SNTG1: variants seen among roughly 807,000 people sequenced by gnomAD.
SNTG1 encodes syntrophin gamma 1, also known as gamma-1-syntrophin.
In SNTG1, 39 loss-of-function variants were observed where a neutral mutation model predicts 74.7. The observed-to-expected ratio is 0.52, with a 90% CI of 0.40 to 0.68. The LOEUF (loss-of-function observed/expected upper bound fraction) is 0.68. Ranked by LOEUF, SNTG1 falls within the 30% of genes least tolerant of loss-of-function variation. SNTG1 has a pLI of 0.00. For synonymous variants in SNTG1, 254 were observed against 217.1 expected (o/e 1.17, Z -1.49); for missense variants, 685 against 609.5 (o/e 1.12, Z -1.30).
intron 9 of SNTG1, among the ~76,000 whole-genome samples, chr8:50,509,236 TGC>T: frequency 6.6e-6 from 1 of 152,298 alleles, no homozygotes; most frequent in African/African-American, 2.4e-5. Flanking sequence ...GTTGTAGATA[TGC>T]AGCATTATTT....
chr8:50,243,377 T>A (rs1316398715), intron 2 of SNTG1, among the ~76,000 whole-genome samples: 1 of 152,152 alleles, frequency 6.6e-6, no homozygotes, highest in East Asian at 1.9e-4. Context: ...ATGGAGTAAC[T>A]TTTCCCTATT....
chr8:50,720,201 A>G (rs2095484483), intron 17 of SNTG1, among the ~76,000 whole-genome samples: 1 of 152,136 alleles, frequency 6.6e-6, no homozygotes. Context: ...TTGTATTCCC[A>G]TCTCAACTAT....
chr8:50,747,965 T>C (rs2095558938), intron 17 of SNTG1: 1 of 151,918 alleles, frequency 6.6e-6, no homozygotes. Flanking sequence ...ACACAATTTT[T>C]TTTTAAATGT....
chr8:50,275,528 A>G (rs1487580618), intron 2 of SNTG1, among the ~76,000 whole-genome samples: 1 of 152,196 alleles, frequency 6.6e-6, no homozygotes, highest in African/African-American at 2.4e-5. Context: ...GCTTCAAATA[A>G]CATTATAACA....
At chr8:50,752,186 CG>C (rs985079599) in intron 18 of SNTG1, 75 bp downstream of exon 18, 3 of 742,604 alleles carry the variant, frequency 4.0e-6, no homozygotes, top group Non-Finnish European at 6.1e-6. Flanking sequence ...GGGAAACTTT[CG>C]GGGAATCACA....
intron 16 of SNTG1, among the ~76,000 whole-genome samples, chr8:50,705,248 CCA>C: frequency 6.6e-6 from 1 of 152,200 alleles, no homozygotes; most frequent in Non-Finnish European, 1.5e-5. Context: ...CTAATGCTTG[CCA>C]ATACTCCTTC....
chr8:50,155,771 T>C (rs2082234296), intron 1 of SNTG1, among the ~76,000 whole-genome samples: 1 of 151,978 alleles, frequency 6.6e-6, no homozygotes, highest in Admixed American at 6.6e-5. Flanking sequence ...AAAGATTTAA[T>C]GTAATTCAAG....
intron 15 of SNTG1, among the ~76,000 whole-genome samples, chr8:50,676,529 T>G (rs1202944886): frequency 6.6e-6 from 1 of 152,016 alleles, no homozygotes; most frequent in Non-Finnish European, 1.5e-5. Context: ...ACAGTTCCTC[T>G]AACCTTTTAT....
At chr8:50,282,989 T>C (rs2088562636) in intron 2 of SNTG1, among the ~76,000 whole-genome samples, 1 of 152,162 alleles carries the variant, frequency 6.6e-6, no homozygotes, top group Admixed American at 6.6e-5. Flanking sequence ...TCTGGATGAA[T>C]TGGGTAGTAA....
chr8:50,430,615 G>A (rs1328508371), intron 4 of SNTG1, among the ~76,000 whole-genome samples: 3 of 152,164 alleles, frequency 2.0e-5, no homozygotes, highest in African/African-American at 7.2e-5. Context: ...AATCGACTTT[G>A]TTCTAAGGGG....
intron 8 of SNTG1, among the ~76,000 whole-genome samples, chr8:50,471,152 G>A (rs1047710373): frequency 1.3e-5 from 2 of 150,336 alleles, no homozygotes; most frequent in Admixed American, 1.3e-4. Flanking sequence ...AAGCCCAGCC[G>A]GCTTAACCTC....
intron 17 of SNTG1, among the ~76,000 whole-genome samples, chr8:50,728,924 G>A (rs2095506412): frequency 6.6e-6 from 1 of 152,192 alleles, no homozygotes; most frequent in Admixed American, 6.5e-5. Context: ...ACTGTCCAGA[G>A]TTCTGTGCAG....
At chr8:50,335,980 G>A (rs1309118498) in intron 2 of SNTG1, among the ~76,000 whole-genome samples, 1 of 151,972 alleles carries the variant, frequency 6.6e-6, no homozygotes, top group East Asian at 1.9e-4. Flanking sequence ...AAACACAAAG[G>A]TCTTTCAGAT....
At chr8:50,310,641 C>A (rs2090074224) in intron 2 of SNTG1, among the ~76,000 whole-genome samples, 1 of 152,178 alleles carries the variant, frequency 6.6e-6, no homozygotes, top group African/African-American at 2.4e-5. Flanking sequence ...TGAGCCGAGA[C>A]CATGCCATTG....
rs149934993 is a variant in SNTG1, at chr8:50,596,607, A to G, written c.849+5690A>G. On this transcript the variant is annotated intron_variant, in intron 13 of 18. Coordinates refer to ENST00000642720, the MANE Select transcript of SNTG1 (RefSeq NM_018967.5). ...AAATTGATCACATACATGTGGGCCT[A>G]TTTCTGGACTCCAAATGCTGTTGCC... Among the ~76,000 whole-genome samples the G allele has an allele frequency of 4.5e-3, 690 of 152,106 alleles. 6 individuals carry two copies. The highest frequency in any genetic ancestry group is 0.016 in the African/African-American group (644 of 41,542).
rs76951986 is a variant in SNTG1 at position 50,257,508 on chromosome 8, G to C, written c.-28+84873G>C. Among the ~76,000 whole-genome samples, 494 of 152,226 alleles carry C rather than the reference G, an allele frequency of 3.2e-3. 3 individuals are homozygous for C. The highest frequency in any genetic ancestry group is 6.8e-3 in the Middle Eastern group (2 of 294). The stretch of plus-strand genomic sequence containing the variant: ...AGTGTTCTTTGAACTAATTTCGAAG[G>C]GTGTTTCAGAAAACAATGTAGATTT... On this transcript the variant is annotated intron_variant, in intron 2 of 18. Coordinates refer to ENST00000642720, the MANE Select transcript of SNTG1 (RefSeq NM_018967.5).
intron 18 of SNTG1, chr8:50,762,854 C>A: frequency 2.7e-6 from 1 of 367,104 alleles, no homozygotes; most frequent in Non-Finnish European, 5.5e-6. Context: ...CGAAGCCAGA[C>A]GTCACACTCT....
At chr8:50,243,306 G>A (rs1453096390) in intron 2 of SNTG1, among the ~76,000 whole-genome samples, 1 of 152,116 alleles carries the variant, frequency 6.6e-6, no homozygotes, top group East Asian at 1.9e-4. Flanking sequence ...TATATGCTTA[G>A]TTAGGGTTTG....
At chr8:50,112,064 GAA>G (rs2080614464) in intron 1 of SNTG1, among the ~76,000 whole-genome samples, 1 of 152,058 alleles carries the variant, frequency 6.6e-6, no homozygotes, top group Non-Finnish European at 1.5e-5. Flanking sequence ...TGGTCTGATA[GAA>G]AAGACAAGTG....
Sources: allele counts gnomAD v4.1 joint callset (sites outside exome capture counted in the v4.1 genomes callset), GRCh38; gene constraint gnomAD v4.1.1; transcripts MANE v1.5; gene names NCBI Gene and HGNC (gene_info 2026-07-23, HGNC 2026-07-21).